TG: variants seen among roughly 807,000 people sequenced by gnomAD.
TG encodes the protein thyroglobulin, also known as thyroid hormones.
Under a neutral mutation model 324.7 loss-of-function variants are expected in TG, and 270 were observed. The observed-to-expected ratio is 0.83, with a 90% confidence interval of 0.75 to 0.92. The LOEUF is 0.92. Ranked by LOEUF, TG falls within the 40% of genes least tolerant of loss-of-function variation. The pLI is 0.00. For missense variants in TG, 3,591 were observed against 3,456.4 expected (o/e 1.04, Z -0.98); for synonymous variants, 1,401 against 1,327.0 (o/e 1.06, Z -1.21).
intron 27 of TG, among the ~76,000 whole-genome samples, chr8:132,949,952 T>C (rs770912751): frequency 3.5e-4 from 53 of 152,208 alleles, no homozygotes; most frequent in Middle Eastern, 3.4e-3. Context: ...ACTGATGTGA[T>C]CAGGAAAGAC....
In TG at chr8:132,878,179, A is replaced by G. The variant is rs190773463; in HGVS notation, c.639-3684A>G. ...AAATAAGAGTTTCTCAGGGGTCACA[A>G]TGTTTTCTTCTATTGATGATGGAGG... On this transcript the variant is annotated intron_variant, in intron 5 of 47. Transcript: ENST00000220616. 9.2e-5 allele frequency among the ~76,000 whole-genome samples: 14 copies of G among 152,260 alleles called. No homozygotes were observed. In the East Asian group the frequency reaches 2.3e-3, roughly 25 times the overall value.
intron 41 of TG, among the ~76,000 whole-genome samples, chr8:133,033,672 C>T (rs1011752897): frequency 6.6e-6 from 1 of 152,184 alleles, no homozygotes; most frequent in African/African-American, 2.4e-5. Flanking sequence ...GCCTTTTTAT[C>T]TCTGTTCTGT....
Position 132,898,229 on chromosome 8 carries a change from C to T in TG, c.3200C>T (p.Ser1067Phe). Residue 1067 changes from serine (S) to phenylalanine (F), a missense_variant, in exon 13 of 48, where the codon TCT (serine) becomes TTT (phenylalanine). By Grantham distance (155) the Ser-to-Phe change is radical. Transcript: ENST00000220616. ...GFIPGSLTAR[S>F]LQIPQCPTTC... is the part of the protein sequence containing the mutation. ...ATCCCTGGCTCACTGACTGCCCGCTCTCTGCAGATTCCACAGTGTAAGTGA... is the reference window on the plus strand; with the variant it reads ...ATCCCTGGCTCACTGACTGCCCGCTTTCTGCAGATTCCACAGTGTAAGTGA... The T allele has an allele frequency of 6.2e-7, 1 of 1,601,754 alleles. No homozygotes were observed.
chr8:133,060,304 T>A (rs140708427), intron 41 of TG: 1 of 1,569,114 alleles, frequency 6.4e-7, no homozygotes, highest in Admixed American at 1.9e-5. Context: ...TCTGGCAGCT[T>A]GCTTCTTGAA....
At chr8:133,126,303 C>T (rs1473862617) in intron 45 of TG, among the ~76,000 whole-genome samples, 1 of 152,082 alleles carries the variant, frequency 6.6e-6, no homozygotes. Flanking sequence ...TCAATAAATT[C>T]AATTAGATGT....
At chr8:132,994,916 C>A in intron 35 of TG, 1 of 1,137,516 alleles carries the variant, frequency 8.8e-7, no homozygotes, top group Non-Finnish European at 1.1e-6. Flanking sequence ...CTGGAGTATT[C>A]AAATATGTTG....
At position 132,995,395 on chromosome 8, in the gene TG, C is replaced by A. The variant is rs545539565; in HGVS notation, c.6262+11983C>A. On this transcript the variant is annotated intron_variant, in intron 35 of 47. Transcript: ENST00000220616. ...CTAACGTGGAGGGCAACGGTGCCGC[C>A]TTAGGAGTCTGTCTGTGTTCAAGGC... 16 of 985,196 alleles carry A rather than the reference C, an allele frequency of 1.6e-5. No individual in the cohort carries two copies. The African/African-American group carries it at 2.6e-4, about 16-fold the overall frequency. 61.0% of individuals were successfully genotyped at this position (985,196 alleles called of 1,614,324 possible).
In TG at chr8:132,871,412, C is replaced by G; in HGVS notation, c.339C>G (p.Asp113Glu). The G allele has an allele frequency of 6.2e-7, 1 of 1,614,228 alleles. No individual in the cohort carries two copies. The highest frequency in any genetic ancestry group is 8.5e-7 in the Non-Finnish European group (1 of 1,180,040). ...TGAGTGGCTACATTAACAGCACAGA[C>G]ACCTCCTACCTCCCTCAGTGTCAGG... ...ILLSGYINST[D>E]TSYLPQCQDS... Residue 113 changes from aspartate (D) to glutamate (E), a missense_variant, in exon 4 of 48, where the codon GAC (aspartate) becomes GAG (glutamate). Physicochemically the swap from Asp to Glu is conservative, Grantham distance 45. Coordinates refer to ENST00000220616, the MANE Select transcript of TG (RefSeq NM_003235.5).
At chr8:132,914,391 C>T (rs1196984241) in intron 20 of TG, among the ~76,000 whole-genome samples, 1 of 152,152 alleles carries the variant, frequency 6.6e-6, no homozygotes, top group African/African-American at 2.4e-5. Flanking sequence ...TTGGTCGCAA[C>T]ATAAAAGCCA....
In TG at chr8:132,948,933, G is replaced by C; in HGVS notation, c.5391G>C (p.Glu1797Asp). Residue 1797 changes from glutamate to aspartate, a missense_variant, in exon 27 of 48, where the codon GAG becomes GAC. Physicochemically the swap from Glu to Asp is conservative, Grantham distance 45. Transcript: ENST00000220616. Reference sequence around the variant, plus strand: ...TGATATTGCGTCTTGGAGACCAGGAGTTCATCAAGAGTAAGTCTTTGCCAT... The same window carrying C: ...TGATATTGCGTCTTGGAGACCAGGACTTCATCAAGAGTAAGTCTTTGCCAT... ...HQVILRLGDQ[E>D]FIKSLTPLEG... The C allele has an allele frequency of 6.2e-7, 1 of 1,613,520 alleles. No individual in the cohort carries two copies. The highest frequency in any genetic ancestry group is 1.1e-5 in the South Asian group (1 of 91,084).
intron 41 of TG, among the ~76,000 whole-genome samples, chr8:133,091,969 G>C (rs1053373557): frequency 6.6e-6 from 1 of 152,004 alleles, no homozygotes; most frequent in African/African-American, 2.4e-5. Context: ...GTCTGTGCAC[G>C]TAAGCATATG....
intron 2 of TG, 140 bp downstream of exon 2, chr8:132,868,363 G>A (rs1839169572): frequency 3.8e-6 from 3 of 788,536 alleles, no homozygotes; most frequent in Admixed American, 2.0e-5. Context: ...GGAGGTGCCT[G>A]CCTTTCAGTT....
intron 41 of TG, among the ~76,000 whole-genome samples, chr8:133,093,742 C>T (rs1847954012): frequency 6.6e-6 from 1 of 152,206 alleles, no homozygotes. Context: ...GTGCCACCAC[C>T]TTTCATCAGG....
chr8:133,030,449 T>C (rs1836529463), intron 41 of TG, among the ~76,000 whole-genome samples: 1 of 152,174 alleles, frequency 6.6e-6, no homozygotes, highest in Admixed American at 6.5e-5. Flanking sequence ...ATGATAATGA[T>C]GTTGGTGATG....
intron 47 of TG, among the ~76,000 whole-genome samples, chr8:133,134,154 G>T (rs1400584483): frequency 2.0e-5 from 3 of 152,196 alleles, no homozygotes; most frequent in African/African-American, 7.2e-5. Flanking sequence ...TAAACACAAT[G>T]CCCTTAGGAA....
Position 132,888,004 on chromosome 8 carries a change from C to T in TG, c.2197C>T (p.Gln733Ter). ...PKKCPTPCQL[Q>*]SEQAFLRTVQ... ...CCCAGGCCCCACGCCCTGTCAATTA[C>T]AGTCTGAGCAAGCTTTCCTCAGGAC... Residue 733 changes from glutamine to a stop codon, truncating the protein, a stop_gained, in exon 10 of 48, where the codon CAG becomes TAG. Transcript: ENST00000220616. LOFTEE classifies it high-confidence loss of function. 6.2e-7 allele frequency: 1 copy of T among 1,614,026 alleles called. No individual in the cohort carries two copies. Among genetic ancestry groups the T allele is most frequent in the Non-Finnish European group, 8.5e-7 (1 of 1,179,976 alleles).
intron 41 of TG, among the ~76,000 whole-genome samples, chr8:133,072,492 G>A (rs1405109193): frequency 6.6e-6 from 1 of 152,208 alleles, no homozygotes; most frequent in Non-Finnish European, 1.5e-5. Context: ...ACAGATAAAT[G>A]TATGAACAGG....
At chr8:132,987,964 A>T (rs1587693903) in intron 35 of TG, among the ~76,000 whole-genome samples, 1 of 152,136 alleles carries the variant, frequency 6.6e-6, no homozygotes. Context: ...ATGAGATTTC[A>T]GAAGTCTCCT....
At chr8:132,992,181 G>A (rs888981315) in intron 35 of TG, among the ~76,000 whole-genome samples, 2 of 152,288 alleles carry the variant, frequency 1.3e-5, no homozygotes, top group Admixed American at 1.3e-4. Flanking sequence ...GGGTACGGCT[G>A]TAAATGAGCA....
Sources: gnomAD v4.1 joint callset for allele counts (sites outside exome capture counted in the v4.1 genomes callset) on GRCh38, gnomAD v4.1.1 for gene constraint, MANE v1.5 for transcripts, NCBI Gene and HGNC (gene_info 2026-07-23, HGNC 2026-07-21) for gene names.